SHISA9: variants seen among roughly 807,000 people sequenced by gnomAD.
The protein encoded by SHISA9 is shisa family member 9.
In SHISA9, 13 loss-of-function variants were observed where a neutral mutation model predicts 38.0. The observed-to-expected ratio is 0.34, with a 90% CI of 0.22 to 0.54. SHISA9 has a LOEUF of 0.54. Ranked by LOEUF, SHISA9 falls within the 20% of genes least tolerant of loss-of-function variation. The probability of loss-of-function intolerance (pLI) is 0.91; values close to 1 mark genes in which losing one functional copy is unlikely to be tolerated. For missense variants in SHISA9, 538 were observed against 575.8 expected (o/e 0.93, Z 0.67); for synonymous variants, 275 against 242.0 (o/e 1.14, Z -1.27).
chr16:13,490,847 T>A, the SHISA9 span, among the ~76,000 whole-genome samples: 64 of 152,338 alleles, frequency 4.2e-4, no homozygotes, highest in African/African-American at 1.5e-3. Context: ...TAACTTTATT[T>A]CAAACAGGTT....
chr16:12,929,902 C>T (rs1186048263), intron 2 of SHISA9, among the ~76,000 whole-genome samples: 2 of 152,180 alleles, frequency 1.3e-5, no homozygotes. Context: ...TCCTCCAGAT[C>T]TTTGCAATGC....
intron 2 of SHISA9, among the ~76,000 whole-genome samples, chr16:13,001,845 A>G (rs1004631521): frequency 6.6e-6 from 1 of 152,198 alleles, no homozygotes; most frequent in Non-Finnish European, 1.5e-5. Flanking sequence ...TAAAAAATCA[A>G]TATGGGTTGA....
At chr16:13,037,933 C>T (rs1350063628) in intron 2 of SHISA9, among the ~76,000 whole-genome samples, 1 of 152,142 alleles carries the variant, frequency 6.6e-6, no homozygotes, top group Non-Finnish European at 1.5e-5. Flanking sequence ...AACCCTAATG[C>T]ATTACTTGGG....
At chr16:13,192,540 G>A (rs2050895840) in intron 2 of SHISA9, among the ~76,000 whole-genome samples, 1 of 151,944 alleles carries the variant, frequency 6.6e-6, no homozygotes, top group South Asian at 2.1e-4. Flanking sequence ...AAGCACATAG[G>A]TAGGTTCCAC....
the SHISA9 span, among the ~76,000 whole-genome samples, chr16:13,335,345 G>C: frequency 6.6e-6 from 1 of 152,288 alleles, no homozygotes; most frequent in East Asian, 1.9e-4. Context: ...AGATGGAGTA[G>C]GTTGTTTCTA....
chr16:13,281,056 C>T, the SHISA9 span, among the ~76,000 whole-genome samples: 1 of 151,564 alleles, frequency 6.6e-6, no homozygotes, highest in Non-Finnish European at 1.5e-5. Context: ...AGATACTGTG[C>T]GAGTCACATT....
intron 2 of SHISA9, among the ~76,000 whole-genome samples, chr16:13,200,959 A>G (rs1440213611): frequency 7.4e-6 from 1 of 135,380 alleles, no homozygotes; most frequent in African/African-American, 2.9e-5. Flanking sequence ...ATCTAAAAGC[A>G]AAGCCTGGGA....
At chr16:13,088,330 G>GT in intron 2 of SHISA9, among the ~76,000 whole-genome samples, 1 of 151,060 alleles carries the variant, frequency 6.6e-6, no homozygotes, top group African/African-American at 2.4e-5. Flanking sequence ...CATATGTGTA[G>GT]TTTTTTCCAA....
chr16:13,009,865 C>T (rs533528775), intron 2 of SHISA9, among the ~76,000 whole-genome samples: 13 of 152,042 alleles, frequency 8.6e-5, no homozygotes, highest in South Asian at 4.1e-4. Context: ...CTTGGCATGG[C>T]CTGTTTTTCC....
the SHISA9 span, among the ~76,000 whole-genome samples, chr16:13,438,310 T>C: frequency 2.0e-5 from 3 of 152,220 alleles, no homozygotes; most frequent in Admixed American, 6.5e-5. Flanking sequence ...TAAGTATGCA[T>C]TGGGCACATA....
chr16:13,509,534 C>T, the SHISA9 span, among the ~76,000 whole-genome samples: 1 of 152,206 alleles, frequency 6.6e-6, no homozygotes, highest in Non-Finnish European at 1.5e-5. Flanking sequence ...AAGCCTCAGG[C>T]ATGGAGCCCA....
At chr16:12,996,173 G>A (rs1240039095) in intron 2 of SHISA9, among the ~76,000 whole-genome samples, 1 of 152,130 alleles carries the variant, frequency 6.6e-6, no homozygotes, top group East Asian at 1.9e-4. Context: ...CTAGAAGGTG[G>A]ATCTGTCTGG....
intron 2 of SHISA9, among the ~76,000 whole-genome samples, chr16:13,106,882 CAAAG>C (rs1275381723): frequency 1.3e-5 from 2 of 152,070 alleles, no homozygotes. Flanking sequence ...ACCAAGAGGA[CAAAG>C]AAAGAGAGAG....
the SHISA9 span, among the ~76,000 whole-genome samples, chr16:13,526,617 C>T: frequency 3.3e-4 from 50 of 152,280 alleles, 1 homozygote; most frequent in Middle Eastern, 6.8e-3. Flanking sequence ...AACCCCTGAT[C>T]TCAAGTGATC....
At chr16:13,347,049 C>T in the SHISA9 span, among the ~76,000 whole-genome samples, 2 of 152,244 alleles carry the variant, frequency 1.3e-5, no homozygotes, top group African/African-American at 4.8e-5. Flanking sequence ...CATTCATTGA[C>T]TCAAAAACAA....
chr16:13,203,474 G>A lies in SHISA9; in HGVS notation c.772G>A (p.Gly258Ser). 6.4e-7 allele frequency: 1 copy of A among 1,551,124 alleles called. No individual in the cohort carries two copies. The highest frequency in any genetic ancestry group is 8.7e-7 in the Non-Finnish European group (1 of 1,146,650). Reference sequence around the variant, plus strand: ...CCATCCACATTCGTACCCGAACCTGGGCCAGATCTCCAACCCCTATGAACA... The same window carrying A: ...CCATCCACATTCGTACCCGAACCTGAGCCAGATCTCCAACCCCTATGAACA... ...MGHPHSYPNL[G>S]QISNPYEQQP... The change falls in exon 3 of 5, where the codon GGC (glycine) becomes AGC (serine). Residue 258 changes from glycine to serine, a missense_variant. Coordinates refer to ENST00000558583, the MANE Select transcript of SHISA9 (RefSeq NM_001145204.3).
At chr16:13,408,776 C>T in the SHISA9 span, among the ~76,000 whole-genome samples, 1 of 152,174 alleles carries the variant, frequency 6.6e-6, no homozygotes, top group South Asian at 2.1e-4. Context: ...AATACCACCC[C>T]CAGTCCTGCT....
the SHISA9 span, among the ~76,000 whole-genome samples, chr16:13,433,600 C>T: frequency 6.6e-6 from 1 of 152,130 alleles, no homozygotes; most frequent in African/African-American, 2.4e-5. Flanking sequence ...CAACCTGCCT[C>T]TAAGATTCAT....
chr16:13,494,289 T>C, the SHISA9 span, among the ~76,000 whole-genome samples: 2 of 152,130 alleles, frequency 1.3e-5, no homozygotes, highest in African/African-American at 4.8e-5. Context: ...CAGAATAGAT[T>C]AATCAGCCTT....
Sources: allele counts gnomAD v4.1 joint callset (sites outside exome capture counted in the v4.1 genomes callset), GRCh38; gene constraint gnomAD v4.1.1; transcripts MANE v1.5; gene names NCBI Gene and HGNC (gene_info 2026-07-23, HGNC 2026-07-21).